Variants in KLC4 observed in about 807,000 individuals in gnomAD.
KLC4 encodes kinesin light chain 4.
KLC4 carries 49 observed loss-of-function variants against 77.2 expected under a neutral mutation model. That is an observed-to-expected ratio of 0.63 (90% CI 0.50 to 0.80). The LOEUF (loss-of-function observed/expected upper bound fraction) is 0.80, where lower values mean the gene tolerates loss of function less well. Among genes scored for constraint, KLC4 ranks in the 30% least tolerant of loss-of-function variants. KLC4 has a pLI of 0.00. For synonymous variants in KLC4, 274 were observed against 314.5 expected, an observed-to-expected ratio of 0.87 and a Z score of 1.36; for missense variants, 669 against 793.5, an observed-to-expected ratio of 0.84 and a Z score of 1.89.
intron 5 of KLC4, 78 bp downstream of exon 5, chr6:43,066,603 T>A: frequency 7.6e-7 from 1 of 1,312,372 alleles, no homozygotes. Context: ...TCATTTTTCC[T>A]CTTTACAGGG....
intron 1 of KLC4, chr6:43,060,268 C>T (rs767793384): frequency 1.9e-6 from 3 of 1,614,040 alleles, no homozygotes; most frequent in South Asian, 1.1e-5. Flanking sequence ...CCCAGACACG[C>T]CTCTTGCTGT....
At position 43,075,055 on chromosome 6, in the gene KLC4, G is replaced by C; in HGVS notation, c.*383G>C. 1 of 217,410 alleles carries C rather than the reference G, an allele frequency of 4.6e-6. No individual in the cohort carries two copies. The highest frequency in any genetic ancestry group is 9.2e-6 in the Non-Finnish European group (1 of 109,048). 13.5% of individuals were successfully genotyped at this position (217,410 alleles called of 1,614,324 possible). On this transcript the variant is annotated 3_prime_UTR_variant, in exon 16 of 16. Transcript: ENST00000347162. Reference sequence around the variant, plus strand: ...CTCTGCTGTCTCACTTCAGGTCCATGTATTTCACTTTTCTTAAATAAAAGA... The same window carrying C: ...CTCTGCTGTCTCACTTCAGGTCCATCTATTTCACTTTTCTTAAATAAAAGA...
intron 13 of KLC4, 22 bp from the exon 14 acceptor site, chr6:43,073,201 A>G (rs759992715): frequency 4.6e-5 from 74 of 1,595,454 alleles, no homozygotes; most frequent in Non-Finnish European, 6.2e-5. Flanking sequence ...TGTAGCTTTC[A>G]TTGCTCACTC....
chr6:43,062,330 T>C (rs1490092761), intron 2 of KLC4, among the ~76,000 whole-genome samples: 1 of 152,208 alleles, frequency 6.6e-6, no homozygotes, highest in African/African-American at 2.4e-5. Flanking sequence ...CTGCAACCTC[T>C]GCCTGCCAGG....
At chr6:43,074,600 G>T in intron 15 of KLC4, 22 bp from the exon 16 acceptor site, 1 of 1,612,782 alleles carries the variant, frequency 6.2e-7, no homozygotes, top group Non-Finnish European at 8.5e-7. Context: ...CTGAGCTGAT[G>T]GGGTAGTGTT....
chr6:43,066,647 C>T, intron 5 of KLC4, 122 bp downstream of exon 5: 2 of 796,684 alleles, frequency 2.5e-6, no homozygotes, highest in Admixed American at 2.6e-5. Flanking sequence ...CCCAGATACA[C>T]CCCAACAGGG....
At chr6:43,071,011 A>G (rs1043516059) in intron 8 of KLC4, 146 bp downstream of exon 8, 2 of 797,680 alleles carry the variant, frequency 2.5e-6, no homozygotes, top group Admixed American at 5.7e-5. Flanking sequence ...CTTTGTGCTC[A>G]TGTCTGGGGC....
At chr6:43,063,958 A>G (rs1027918528) in intron 3 of KLC4, among the ~76,000 whole-genome samples, 3 of 151,924 alleles carry the variant, frequency 2.0e-5, no homozygotes, top group Non-Finnish European at 4.4e-5. Flanking sequence ...GGCCTCAGCC[A>G]CCCAAGTAGC....
chr6:43,062,788 C>A, intron 2 of KLC4, 129 bp from the exon 3 acceptor site: 1 of 693,992 alleles, frequency 1.4e-6, no homozygotes, highest in Non-Finnish European at 2.5e-6. Flanking sequence ...GGTAGCACCA[C>A]TGCTACACCC....
chr6:43,065,709 T>G lies in KLC4; in HGVS notation c.571+8T>G. 1 of 1,605,866 alleles carries G rather than the reference T, an allele frequency of 6.2e-7. No individual in the cohort carries two copies. The highest frequency in any genetic ancestry group is 8.5e-7 in the Non-Finnish European group (1 of 1,172,980). The stretch of plus-strand genomic sequence containing the variant: ...AGGACCCCAGCAATGGCTGTGAGTC[T>G]GCCTCTGGAATGGGAGGGTGAAAAG... On this transcript the variant is annotated splice_region_variant and intron_variant, in intron 4 of 15. Transcript: ENST00000347162.
chr6:43,074,211 C>A, intron 15 of KLC4: 1 of 477,352 alleles, frequency 2.1e-6, no homozygotes, highest in Non-Finnish European at 3.7e-6. Flanking sequence ...ATTCTGTAAA[C>A]TGGTACTTTG....
At position 43,072,897 on chromosome 6, in the gene KLC4, A is replaced by G. The variant is rs1381242378; in HGVS notation, c.1562A>G (p.Glu521Gly). The G allele has an allele frequency of 6.2e-7, 1 of 1,612,246 alleles. No homozygotes were observed. The highest frequency in any genetic ancestry group is 2.2e-5 in the East Asian group (1 of 44,874). ...GESDGRRTSQ[E>G]GPGDSVKFEG... ...AGTGATGGTAGAAGGACCTCCCAGG[A>G]GGGCCCTGGAGACAGTGTGAAATTC... The change falls in exon 13 of 16, where the codon GAG (glutamate) becomes GGG (glycine). Residue 521 changes from glutamate (E) to glycine (G), a missense_variant. By Grantham distance (98) the Glu-to-Gly change is moderately conservative. Transcript: ENST00000347162.
At chr6:43,061,861 GC>G (rs1237053259) in intron 2 of KLC4, among the ~76,000 whole-genome samples, 1 of 152,176 alleles carries the variant, frequency 6.6e-6, no homozygotes, top group Non-Finnish European at 1.5e-5. Flanking sequence ...GATTCGGTAT[GC>G]CAGAGTGATA....
chr6:43,066,215 A>G, intron 4 of KLC4, 91 bp from the exon 5 acceptor site: 1 of 1,095,742 alleles, frequency 9.1e-7, no homozygotes, highest in Non-Finnish European at 1.4e-6. Flanking sequence ...GGGTGGGCAC[A>G]AGTATGGAAC....
At chr6:43,073,068 G>T in intron 13 of KLC4, 104 bp downstream of exon 13, 1 of 1,431,814 alleles carries the variant, frequency 7.0e-7, no homozygotes, top group South Asian at 1.4e-5. Context: ...ATTCCTTCAG[G>T]GGTATCTCTG....
Position 43,067,883 on chromosome 6 carries a change from C to T in KLC4, c.879+800C>T, listed in dbSNP as rs1167091414. On this transcript the variant is annotated intron_variant, in intron 6 of 15. Coordinates refer to ENST00000347162, the MANE Select transcript of KLC4 (RefSeq NM_201521.3). ...ATCCCAGCACTTTGGGAGGCCGAGG[C>T]GGGCGGATCACGAGGTCAGGAGATC... Among the ~76,000 whole-genome samples the T allele has an allele frequency of 4.7e-4, 48 of 101,980 alleles. 3 individuals carry two copies. Among genetic ancestry groups the T allele is most frequent in the Middle Eastern group, 6.9e-3 (1 of 144 alleles). 66.9% of individuals were successfully genotyped at this position (101,980 alleles called of 152,430 possible).
At chr6:43,062,640 TAG>T (rs1193247529) in intron 2 of KLC4, 1 of 485,054 alleles carries the variant, frequency 2.1e-6, no homozygotes, top group African/African-American at 1.9e-5. Context: ...GGGTTACAAA[TAG>T]ACAATAGGGG....
At position 43,066,140 on chromosome 6, in the gene KLC4, A is replaced by G. The variant is rs553672770; in HGVS notation, c.572-166A>G. Among the ~76,000 whole-genome samples, 54 of 152,316 alleles carry G rather than the reference A, an allele frequency of 3.5e-4. 1 individual carries two copies. The highest frequency in any genetic ancestry group is 1.2e-3 in the African/African-American group (48 of 41,576). On this transcript the variant is annotated intron_variant, in intron 4 of 15. Transcript: ENST00000347162. Reference sequence around the variant, plus strand: ...GTGAACAACTGAGGTTGTGATGGGCATAGGTCAAGGGAGTGGATAAAAGAA... The same window carrying G: ...GTGAACAACTGAGGTTGTGATGGGCGTAGGTCAAGGGAGTGGATAAAAGAA...
intron 6 of KLC4, among the ~76,000 whole-genome samples, chr6:43,069,108 AAAAT>A (rs965289044): frequency 7.2e-5 from 11 of 152,070 alleles, no homozygotes; most frequent in South Asian, 2.1e-4. Context: ...ACTTCATCTT[AAAAT>A]AAATAAATAA....
Sources: allele counts gnomAD v4.1 joint callset (sites outside exome capture counted in the v4.1 genomes callset), GRCh38; gene constraint gnomAD v4.1.1; transcripts MANE v1.5; gene names NCBI Gene and HGNC (gene_info 2026-07-23, HGNC 2026-07-21).